COBL: variants seen among roughly 807,000 people sequenced by gnomAD.
COBL encodes the protein cordon-bleu WH2 repeat protein, also known as protein cordon-bleu.
A neutral mutation model predicts 98.8 loss-of-function variants in COBL; 51 were observed. The ratio of observed to expected loss-of-function variants is 0.52; its 90% CI spans 0.41 to 0.65. The LOEUF (loss-of-function observed/expected upper bound fraction) is 0.65. COBL is among the 30% of genes least tolerant of loss of function. The pLI is 0.00. For missense variants in COBL, 1,617 were observed against 1,617.5 expected (o/e 1.00, Z 0.01); for synonymous variants, 634 against 651.7 (o/e 0.97, Z 0.41).
chr7:51,047,091 A>T (rs560210524), intron 7 of COBL, among the ~76,000 whole-genome samples: 1 of 152,316 alleles, frequency 6.6e-6, no homozygotes, highest in Non-Finnish European at 1.5e-5. Context: ...AGGGTAAGTC[A>T]TTATTTTTGA....
At chr7:51,157,078 A>C (rs930040426) in intron 5 of COBL, among the ~76,000 whole-genome samples, 1 of 152,180 alleles carries the variant, frequency 6.6e-6, no homozygotes, top group Non-Finnish European at 1.5e-5. Flanking sequence ...AGTTTTAACA[A>C]GGCCAGGGCT....
chr7:51,081,294 T>G (rs984584019), intron 7 of COBL, among the ~76,000 whole-genome samples: 18 of 152,182 alleles, frequency 1.2e-4, no homozygotes, highest in African/African-American at 4.3e-4. Flanking sequence ...ATTATGACGC[T>G]GAGGGCAAAG....
At chr7:51,165,601 T>G (rs976466270) in intron 5 of COBL, among the ~76,000 whole-genome samples, 1 of 151,990 alleles carries the variant, frequency 6.6e-6, no homozygotes, top group Non-Finnish European at 1.5e-5. Flanking sequence ...TAATCTACAG[T>G]GTAGATCGAA....
intron 1 of COBL, among the ~76,000 whole-genome samples, chr7:51,251,836 C>G (rs1239701697): frequency 6.6e-6 from 1 of 152,150 alleles, no homozygotes. Context: ...TCCATTTTCC[C>G]TTTCTATGCA....
At chr7:51,130,193 G>T (rs573602339) in intron 6 of COBL, among the ~76,000 whole-genome samples, 1 of 152,108 alleles carries the variant, frequency 6.6e-6, no homozygotes, top group Non-Finnish European at 1.5e-5. Flanking sequence ...CCTCCTGAGC[G>T]CATGGTAAAC....
At chr7:51,136,653 T>G (rs1470208445) in intron 5 of COBL, among the ~76,000 whole-genome samples, 1 of 152,140 alleles carries the variant, frequency 6.6e-6, no homozygotes, top group Non-Finnish European at 1.5e-5. Flanking sequence ...TGAACTGGCC[T>G]CCTTAAAACT....
intron 5 of COBL, 22 bp downstream of exon 5, chr7:51,184,080 A>C: frequency 3.4e-6 from 4 of 1,186,452 alleles, no homozygotes; most frequent in Non-Finnish European, 4.8e-6. Context: ...ATACAAAATC[A>C]TATGTGTATT....
intron 1 of COBL, among the ~76,000 whole-genome samples, chr7:51,297,316 TGATC>T (rs1259651046): frequency 6.6e-6 from 1 of 152,108 alleles, no homozygotes; most frequent in African/African-American, 2.4e-5. Context: ...CTGTGGCATG[TGATC>T]ACCTTTCAGT....
At position 51,016,680 on chromosome 7, in the gene COBL, C is replaced by T; in HGVS notation, c.*871G>A. The T allele has an allele frequency of 2.9e-6, 1 of 344,726 alleles. No individual in the cohort carries two copies. Among genetic ancestry groups the T allele is most frequent in the Non-Finnish European group, 5.2e-6 (1 of 192,030 alleles). The allele number at this position is 344,726 out of a possible 1,614,324, so 21.4% of individuals were successfully genotyped here. A position where few individuals can be genotyped will look rare whatever the true frequency, so the allele number is the denominator to read the frequency against. On this transcript the variant is annotated 3_prime_UTR_variant, in exon 13 of 13. Transcript: ENST00000265136. ...GACAGGTGGGCATCCAACATCCCTGCTCCTTGACCCTCTGCAGGATTCCAG... is the reference window on the plus strand; with the variant it reads ...GACAGGTGGGCATCCAACATCCCTGTTCCTTGACCCTCTGCAGGATTCCAG...
At chr7:51,019,550 G>A (rs1463725820) in intron 12 of COBL, among the ~76,000 whole-genome samples, 1 of 152,198 alleles carries the variant, frequency 6.6e-6, no homozygotes, top group East Asian at 1.9e-4. Context: ...CAAATGTGGG[G>A]AACAGCTCTG....
At chr7:51,031,578 T>TTCC (rs1375961322) in intron 8 of COBL, 1 of 152,320 alleles carries the variant, frequency 6.6e-6, no homozygotes, top group African/African-American at 2.4e-5. Context: ...TGGGGGAGTG[T>TTCC]TCCCAGAAGT....
intron 12 of COBL, among the ~76,000 whole-genome samples, chr7:51,018,959 T>G (rs1786642195): frequency 7.5e-6 from 1 of 133,348 alleles, no homozygotes; most frequent in African/African-American, 2.7e-5. Flanking sequence ...TATATGATTT[T>G]TTTTGCAATT....
intron 5 of COBL, among the ~76,000 whole-genome samples, chr7:51,168,918 G>T (rs939384366): frequency 6.6e-6 from 1 of 152,156 alleles, no homozygotes; most frequent in African/African-American, 2.4e-5. Context: ...AACCAAAAAT[G>T]AAATTCTAAG....
chr7:51,258,258 T>C (rs1286442851), intron 1 of COBL, among the ~76,000 whole-genome samples: 2 of 152,220 alleles, frequency 1.3e-5, no homozygotes, highest in Non-Finnish European at 2.9e-5. Flanking sequence ...TGTGCCATTC[T>C]TCCTATGTAT....
chr7:51,199,781 G>GA (rs770599076), intron 2 of COBL, among the ~76,000 whole-genome samples: 1,451 of 112,612 alleles, frequency 0.013, 16 homozygotes, highest in African/African-American at 0.042. Context: ...CCAGTTAGAA[G>GA]AAAAAAAAAA....
intron 5 of COBL, chr7:51,156,669 C>A: frequency 1.4e-6 from 1 of 739,590 alleles, no homozygotes; most frequent in Non-Finnish European, 1.6e-6. Flanking sequence ...ACACACATTT[C>A]CAATGTACAG....
chr7:51,310,632 G>T (rs1010697235), intron 1 of COBL, among the ~76,000 whole-genome samples: 1 of 152,102 alleles, frequency 6.6e-6, no homozygotes, highest in Non-Finnish European at 1.5e-5. Flanking sequence ...TGACTTACCT[G>T]GTTTATCTTT....
Position 51,030,849 on chromosome 7 carries a change from G to A in COBL, c.1467C>T (p.Phe489=). The change falls in exon 9 of 13, where the codon TTC becomes TTT. Residue 489 remains phenylalanine, a synonymous_variant. Transcript: ENST00000265136. ...CATCAAGTTCTGCAAGGGTTTTACG[G>A]AACTCTCCAGCAATTAATAGGTCTT... The part of the protein sequence containing the change: ...DEEDLLIAGE[F]RKTLAELDED... 6.2e-7 allele frequency: 1 copy of A among 1,608,328 alleles called. No individual in the cohort carries two copies. Among genetic ancestry groups the A allele is most frequent in the Non-Finnish European group, 8.5e-7 (1 of 1,178,686 alleles).
rs879893742 is a variant in COBL at position 51,191,341 on chromosome 7, T to C, written c.457-263A>G. Among the ~76,000 whole-genome samples the C allele has an allele frequency of 4.5e-4, 68 of 152,204 alleles. 1 individual carries two copies. The highest frequency in any genetic ancestry group is 3.4e-3 in the Middle Eastern group (1 of 294). The stretch of plus-strand genomic sequence containing the variant: ...ATAAACATCAGGGAAGACTCTACAT[T>C]TAAAATCCAACACATATACTTTACT... On this transcript the variant is annotated intron_variant, in intron 3 of 12. Coordinates refer to ENST00000265136, the MANE Select transcript of COBL (RefSeq NM_015198.5).
Sources: allele counts gnomAD v4.1 joint callset (sites outside exome capture counted in the v4.1 genomes callset), GRCh38; gene constraint gnomAD v4.1.1; transcripts MANE v1.5; gene names NCBI Gene and HGNC (gene_info 2026-07-23, HGNC 2026-07-21).